The following RACGAP1 variants were observed in gnomAD, a reference collection of about 807,000 sequenced individuals.
The protein encoded by RACGAP1 is rac GTPase-activating protein 1.
RACGAP1 carries 30 observed loss-of-function variants against 78.1 expected under a neutral mutation model. The ratio of observed to expected loss-of-function variants is 0.38; its 90% CI spans 0.29 to 0.52. RACGAP1 has a LOEUF of 0.52. Ranked by LOEUF, RACGAP1 falls within the 20% of genes least tolerant of loss-of-function variation. The pLI, the probability that RACGAP1 is intolerant of heterozygous loss-of-function variation, is 0.82. For missense variants in RACGAP1, 587 were observed against 777.1 expected (o/e 0.76, Z 2.91); for synonymous variants, 231 against 264.8 (o/e 0.87, Z 1.24).
intron 1 of RACGAP1, among the ~76,000 whole-genome samples, chr12:50,020,344 A>ATTT: frequency 6.8e-6 from 1 of 147,426 alleles, no homozygotes; most frequent in African/African-American, 2.5e-5. Flanking sequence ...GGCCCAGCTA[A>ATTT]TTTTTTTTTT....
At position 49,994,173 on chromosome 12, in the gene RACGAP1, G is replaced by T. The variant is rs777188698; in HGVS notation, c.1297C>A (p.Leu433Ile). 2.7e-5 allele frequency: 43 copies of T among 1,613,572 alleles called. 1 individual carries two copies. In the Admixed American group the frequency reaches 7.2e-4, roughly 27 times the overall value. ...GCTCTGTTAAGGCGAAAGGTCAGAA[G>T]AGGTTCTTTGAGGTTTCGAAGAAAG... ...KDFLRNLKEPLLTFRLNRAFM... is the reference protein window; with the variant it reads ...KDFLRNLKEPILTFRLNRAFM... The change falls in exon 12 of 17, where the codon CTT (leucine) becomes ATT (isoleucine). Residue 433 changes from leucine to isoleucine, a missense_variant. Physicochemically the swap from Leu to Ile is conservative, Grantham distance 5. Coordinates refer to ENST00000312377, the MANE Select transcript of RACGAP1 (RefSeq NM_001319999.2).
chr12:50,027,947 T>C (rs1388287531), upstream of RACGAP1, among the ~76,000 whole-genome samples: 1 of 152,156 alleles, frequency 6.6e-6, no homozygotes, highest in Non-Finnish European at 1.5e-5. Flanking sequence ...TGATGCTTCT[T>C]GAGTAGCTTT....
intron 2 of RACGAP1, among the ~76,000 whole-genome samples, chr12:50,016,297 G>A (rs1949674850): frequency 6.6e-6 from 1 of 152,084 alleles, no homozygotes; most frequent in Admixed American, 6.5e-5. Context: ...ACAAGGAATC[G>A]CTTGAACCCG....
chr12:50,012,582 T>A (rs1253990657), intron 2 of RACGAP1, among the ~76,000 whole-genome samples: 3 of 149,146 alleles, frequency 2.0e-5, no homozygotes, highest in Non-Finnish European at 4.5e-5. Flanking sequence ...AAAAAATAAA[T>A]AAATAAATAA....
intron 16 of RACGAP1, 21 bp downstream of exon 16, chr12:49,990,663 A>G (rs1592119865): frequency 1.9e-6 from 3 of 1,552,144 alleles, no homozygotes; most frequent in East Asian, 4.5e-5. Context: ...TTTATTTCCT[A>G]GGAAGGCCAA....
chr12:49,991,493 T>A (rs1416936058), intron 15 of RACGAP1, among the ~76,000 whole-genome samples: 4 of 52,382 alleles, frequency 7.6e-5, no homozygotes, highest in Non-Finnish European at 1.5e-4. Context: ...TTTTTTTTTT[T>A]TTTTTTTTTT....
At chr12:50,031,587 C>T (rs1055642971) in intron 2 of RACGAP1, 3 of 663,314 alleles carry the variant, frequency 4.5e-6, no homozygotes, top group Admixed American at 6.3e-5. Flanking sequence ...AGTTCCTCCA[C>T]GCACCTGGCT....
At position 49,991,853 on chromosome 12, in the gene RACGAP1, CA is replaced by C. The variant is rs375021287; in HGVS notation, c.1714+144del. 1.6e-3 allele frequency: 2,267 copies of C among 1,414,794 alleles called. 28 individuals are homozygous for C. The East Asian group carries it at 0.029, about 18-fold the overall frequency. The allele number at this position is 1,414,794 out of a possible 1,614,324, so 87.6% of individuals were successfully genotyped here. On this transcript the variant is annotated intron_variant, in intron 15 of 16. Coordinates refer to ENST00000312377, the MANE Select transcript of RACGAP1 (RefSeq NM_001319999.2). The stretch of plus-strand genomic sequence containing the variant: ...ATAAAGAAAGGAGAACATGGAAAAG[CA>C]AAAAAAAATTACGATGGTAGAATTA...
chr12:50,025,567 C>T (rs1331909451), upstream of RACGAP1: 1 of 983,562 alleles, frequency 1.0e-6, no homozygotes, highest in South Asian at 4.7e-5. Context: ...CGCGTCAGGG[C>T]CACGCGGAGG....
chr12:50,006,910 G>A (rs1949010251), intron 2 of RACGAP1, among the ~76,000 whole-genome samples: 1 of 152,148 alleles, frequency 6.6e-6, no homozygotes, highest in South Asian at 2.1e-4. Flanking sequence ...TAGTCACCTG[G>A]CTCCAGATGT....
chr12:50,020,063 C>A (rs1300872171), intron 1 of RACGAP1, among the ~76,000 whole-genome samples: 2 of 152,110 alleles, frequency 1.3e-5, no homozygotes, highest in Non-Finnish European at 2.9e-5. Context: ...GAATTTTAGA[C>A]CATTTTTAAA....
In RACGAP1 at chr12:50,006,560, G is replaced by C; in HGVS notation, c.162C>G (p.Tyr54Ter). The C allele has an allele frequency of 6.2e-7, 1 of 1,614,134 alleles. No individual in the cohort carries two copies. The highest frequency in any genetic ancestry group is 8.5e-7 in the Non-Finnish European group (1 of 1,180,032). The change falls in exon 3 of 17, where the codon TAC becomes TAG. Residue 54 changes from tyrosine (Y) to a stop codon, truncating the protein, a stop_gained. Coordinates refer to ENST00000312377, the MANE Select transcript of RACGAP1 (RefSeq NM_001319999.2). LOFTEE classifies it high-confidence loss of function. Reference sequence around the variant, plus strand: ...TCTCTGCTTTCATCAAAAGATCCTTGTATTTCCCCAGCTCATGGTCAGTCC... The same window carrying C: ...TCTCTGCTTTCATCAAAAGATCCTTCTATTTCCCCAGCTCATGGTCAGTCC... Reference protein sequence around the residue: ...WQRTDHELGKYKDLLMKAETE... With the variant: ...WQRTDHELGK
intron 2 of RACGAP1, among the ~76,000 whole-genome samples, chr12:50,009,005 G>A (rs554761874): frequency 2.0e-4 from 30 of 151,938 alleles, no homozygotes; most frequent in Non-Finnish European, 3.4e-4. Flanking sequence ...GGCCGGGCAC[G>A]GTGGCTCATG....
At chr12:50,021,259 CAG>C in intron 1 of RACGAP1, 1 of 313,024 alleles carries the variant, frequency 3.2e-6, no homozygotes, top group Non-Finnish European at 4.6e-6. Flanking sequence ...CTTTCCACAA[CAG>C]AGACTGCTGC....
intron 5 of RACGAP1, among the ~76,000 whole-genome samples, chr12:50,003,642 T>A (rs910720901): frequency 3.9e-5 from 6 of 152,234 alleles, no homozygotes; most frequent in Non-Finnish European, 8.8e-5. Flanking sequence ...TATCAGGAGA[T>A]GACCTTTTAT....
intron 15 of RACGAP1, among the ~76,000 whole-genome samples, chr12:49,991,094 G>A (rs1028824146): frequency 6.6e-6 from 1 of 152,120 alleles, no homozygotes; most frequent in African/African-American, 2.4e-5. Flanking sequence ...GAAGGAACTT[G>A]CAATAATGAA....
chr12:50,026,557 A>C (rs1950270186), upstream of RACGAP1, among the ~76,000 whole-genome samples: 3 of 152,204 alleles, frequency 2.0e-5, no homozygotes, highest in Admixed American at 2.0e-4. Context: ...AAAGTATGTG[A>C]GGTAATGGAT....
chr12:50,029,215 CA>C (rs1223077511), upstream of RACGAP1, among the ~76,000 whole-genome samples: 19,858 of 72,572 alleles, frequency 0.27, 3,633 homozygotes, highest in African/African-American at 0.59. Flanking sequence ...GACTCCATCT[CA>C]AAAAAAAAAA....
At chr12:50,005,742 G>A (rs746772111) in intron 3 of RACGAP1, among the ~76,000 whole-genome samples, 3 of 152,142 alleles carry the variant, frequency 2.0e-5, no homozygotes, top group African/African-American at 4.8e-5. Flanking sequence ...TGGCTTCTAC[G>A]GATCAAAGCA....
Sources: allele counts gnomAD v4.1 joint callset (sites outside exome capture counted in the v4.1 genomes callset), GRCh38; gene constraint gnomAD v4.1.1; transcripts MANE v1.5; gene names NCBI Gene and HGNC (gene_info 2026-07-23, HGNC 2026-07-21).